The following PCDHGA1 variants were observed in gnomAD, a reference collection of about 807,000 sequenced individuals.
PCDHGA1 encodes the protein protocadherin gamma-A1.
Under a neutral mutation model 58.0 loss-of-function variants are expected in PCDHGA1, and 32 were observed. The observed-to-expected ratio is 0.55, with a 90% confidence interval of 0.42 to 0.74. PCDHGA1 has a LOEUF of 0.74. Ranked by LOEUF, PCDHGA1 falls within the 30% of genes least tolerant of loss-of-function variation. The probability of loss-of-function intolerance (pLI) is 0.00; values close to 1 mark genes in which losing one functional copy is unlikely to be tolerated. For synonymous variants in PCDHGA1, 498 were observed against 501.1 expected, an observed-to-expected ratio of 0.99 and a Z score of 0.08; for missense variants, 1,205 against 1,182.3, an observed-to-expected ratio of 1.02 and a Z score of -0.28.
intron 1 of PCDHGA1, chr5:141,417,860 A>G (rs1168739756): frequency 7.7e-6 from 12 of 1,549,390 alleles, no homozygotes; most frequent in African/African-American, 1.4e-5. Flanking sequence ...CGAGCGAACG[A>G]TGGGAGGGAG....
At chr5:141,409,448 C>T in intron 1 of PCDHGA1, 1 of 1,613,546 alleles carries the variant, frequency 6.2e-7, no homozygotes, top group Non-Finnish European at 8.5e-7. Context: ...AGAGCAGACA[C>T]CAGAATACAA....
intron 1 of PCDHGA1, chr5:141,409,203 T>C: frequency 1.2e-6 from 2 of 1,613,964 alleles, no homozygotes; most frequent in Non-Finnish European, 1.7e-6. Flanking sequence ...TGTAAAGTAA[T>C]CATAGAAATC....
At chr5:141,411,215 A>C (rs1202378654) in intron 1 of PCDHGA1, 1 of 152,270 alleles carries the variant, frequency 6.6e-6, no homozygotes, top group Non-Finnish European at 1.5e-5. Context: ...TAACCTATCT[A>C]TTCAAATTTG....
At chr5:141,351,158 A>C in intron 1 of PCDHGA1, 2 of 1,614,062 alleles carry the variant, frequency 1.2e-6, no homozygotes, top group South Asian at 2.2e-5. Context: ...CATCACAACC[A>C]ATGGCACATT....
Position 141,386,707 on chromosome 5 carries a change from T to C in PCDHGA1, c.2421+53602T>C, listed in dbSNP as rs577728957. Among the ~76,000 whole-genome samples, 44 of 152,320 alleles carry C rather than the reference T, an allele frequency of 2.9e-4. No homozygotes were observed. The South Asian group carries it at 9.1e-3, about 32-fold the overall frequency. On this transcript the variant is annotated intron_variant, in intron 1 of 3. Transcript: ENST00000517417. ...AATCACTTGGGGTAGAAGACAATGT[T>C]GCTGACACCAACAATGTTACTGAGG... is the stretch of plus-strand genomic sequence containing the variant.
intron 1 of PCDHGA1, chr5:141,365,417 G>C: frequency 6.2e-7 from 1 of 1,613,940 alleles, no homozygotes; most frequent in South Asian, 1.1e-5. Context: ...CTGTCTTCCC[G>C]GAACTGTAAT....
At chr5:141,449,101 G>A (rs1020443363) in intron 1 of PCDHGA1, among the ~76,000 whole-genome samples, 2 of 152,144 alleles carry the variant, frequency 1.3e-5, no homozygotes, top group African/African-American at 2.4e-5. Flanking sequence ...TACATATGCA[G>A]TATATCTTTG....
Position 141,404,163 on chromosome 5 carries a change from T to C in PCDHGA1, c.2421+71058T>C, listed in dbSNP as rs372897104. The C allele has an allele frequency of 4.6e-5, 74 of 1,613,126 alleles. No homozygotes were observed. The South Asian group carries it at 7.9e-4, about 17-fold the overall frequency. ...AATTCAGAAGAAGATTATTACAGATTGTTGACGGCCCAAATTCTTGACCGA... is the reference window on the plus strand; with the variant it reads ...AATTCAGAAGAAGATTATTACAGATCGTTGACGGCCCAAATTCTTGACCGA... On this transcript the variant is annotated intron_variant, in intron 1 of 3. Transcript: ENST00000517417.
intron 1 of PCDHGA1, chr5:141,384,043 G>A (rs367639640): frequency 1.6e-5 from 26 of 1,612,650 alleles, no homozygotes; most frequent in Admixed American, 3.3e-5. Flanking sequence ...GAATGGTGAG[G>A]TGACCTGCAC....
chr5:141,410,847 G>GTATTTT, intron 1 of PCDHGA1: 1 of 158,250 alleles, frequency 6.3e-6, no homozygotes, highest in Non-Finnish European at 1.0e-5. Flanking sequence ...TTTTGTCTTT[G>GTATTTT]TCTTTTTTTT....
Position 141,490,667 on chromosome 5 carries a change from T to C in PCDHGA1, c.2422-4140T>C, listed in dbSNP as rs906656199. The stretch of plus-strand genomic sequence containing the variant: ...CCTCCGGGCTCCCTTCTTTGCACTG[T>C]GGCTGCCTCAGATCCAGACACTGGG... On this transcript the variant is annotated intron_variant, in intron 1 of 3. Transcript: ENST00000517417. This position sits in a 1 kb window ranked among gnomAD's most constrained non-coding sequence, Gnocchi z 5.4. The C allele has an allele frequency of 6.8e-6, 11 of 1,614,206 alleles. 1 individual carries two copies. The highest frequency in any genetic ancestry group is 4.5e-5 in the East Asian group (2 of 44,876).
At chr5:141,409,052 A>C in intron 1 of PCDHGA1, 2 of 1,614,050 alleles carry the variant, frequency 1.2e-6, no homozygotes, top group African/African-American at 1.3e-5. Context: ...CTTCCGAAGC[A>C]CTGCCCAGAG....
intron 1 of PCDHGA1, among the ~76,000 whole-genome samples, chr5:141,458,065 G>A (rs55848374): frequency 0.098 from 14,910 of 152,232 alleles, 965 homozygotes; most frequent in Non-Finnish European, 0.14. Flanking sequence ...GCACTGATGC[G>A]AACAACTATA....
chr5:141,361,133 TC>T, intron 1 of PCDHGA1: 1 of 1,613,962 alleles, frequency 6.2e-7, no homozygotes, highest in South Asian at 1.1e-5. Context: ...CACTGCAGTA[TC>T]CAAGTTGAAA....
At chr5:141,464,343 A>T (rs944042669) in intron 1 of PCDHGA1, among the ~76,000 whole-genome samples, 1 of 151,308 alleles carries the variant, frequency 6.6e-6, no homozygotes, top group South Asian at 2.1e-4. Flanking sequence ...ATGACTTGTC[A>T]TTTAGGTAGT....
chr5:141,400,543 T>C (rs2094038969), intron 1 of PCDHGA1: 1 of 1,613,794 alleles, frequency 6.2e-7, no homozygotes. Flanking sequence ...CATTTATGTC[T>C]ATTCTTTTTC....
chr5:141,371,116 T>C, intron 1 of PCDHGA1: 1 of 1,613,914 alleles, frequency 6.2e-7, no homozygotes, highest in Non-Finnish European at 8.5e-7. Context: ...AACCCCCCAG[T>C]ATTTACTCAG....
intron 2 of PCDHGA1, among the ~76,000 whole-genome samples, chr5:141,501,821 G>A (rs910825533): frequency 1.3e-5 from 2 of 152,028 alleles, no homozygotes; most frequent in Non-Finnish European, 2.9e-5. Context: ...ATAATTGGCA[G>A]CCCACCCACC....
chr5:141,412,396 A>G (rs2095553141), intron 1 of PCDHGA1: 1 of 152,216 alleles, frequency 6.6e-6, no homozygotes, highest in Non-Finnish European at 1.5e-5. Flanking sequence ...TTTAACTTGT[A>G]TCCCTGTAAG....
Sources: gnomAD v4.1 joint callset for allele counts (sites outside exome capture counted in the v4.1 genomes callset) on GRCh38, gnomAD v4.1.1 for gene constraint, Gnocchi (gnomAD v3.1) non-coding constraint, MANE v1.5 for transcripts, NCBI Gene and HGNC (gene_info 2026-07-23, HGNC 2026-07-21) for gene names.